RGS5: variants seen among roughly 807,000 people sequenced by gnomAD.
RGS5 encodes regulator of G protein signaling 5.
A neutral mutation model predicts 18.9 loss-of-function variants in RGS5; 20 were observed. The ratio of observed to expected loss-of-function variants is 1.06; its 90% CI spans 0.74 to 1.54. The LOEUF (loss-of-function observed/expected upper bound fraction) is 1.54, where lower values mean the gene tolerates loss of function less well. RGS5 is among the 40% of genes most tolerant of loss of function. RGS5 has a pLI of 0.00. For missense variants in RGS5, 201 were observed against 211.8 expected, an observed-to-expected ratio of 0.95 and a Z score of 0.32; for synonymous variants, 57 against 76.2, an observed-to-expected ratio of 0.75 and a Z score of 1.31.
intron 2 of RGS5, among the ~76,000 whole-genome samples, chr1:163,261,655 A>G (rs1648436284): frequency 6.6e-6 from 1 of 152,126 alleles, no homozygotes; most frequent in South Asian, 2.1e-4. Flanking sequence ...TGTTTCCCAA[A>G]CATTTTGGAT....
At chr1:163,301,964 G>T (rs966310529) in intron 2 of RGS5, among the ~76,000 whole-genome samples, 1 of 149,320 alleles carries the variant, frequency 6.7e-6, no homozygotes, top group Non-Finnish European at 1.5e-5. Flanking sequence ...TGAGTATTTG[G>T]ACCAAATTTT....
chr1:163,196,382 C>T (rs1207353924), intron 1 of RGS5, among the ~76,000 whole-genome samples: 1 of 152,106 alleles, frequency 6.6e-6, no homozygotes, highest in Non-Finnish European at 1.5e-5. Context: ...AAACTCTCTC[C>T]CTAGATATCA....
intron 1 of RGS5, among the ~76,000 whole-genome samples, chr1:163,181,450 T>C (rs757919861): frequency 3.9e-5 from 6 of 152,158 alleles, no homozygotes; most frequent in Non-Finnish European, 7.3e-5. Flanking sequence ...CAGAGGCATA[T>C]TTAAGGGGCC....
chr1:163,156,723 A>G (rs912883156), intron 3 of RGS5, among the ~76,000 whole-genome samples: 1 of 152,184 alleles, frequency 6.6e-6, no homozygotes, highest in Non-Finnish European at 1.5e-5. Context: ...CTTTAAAAAA[A>G]TTAATTATGG....
chr1:163,190,563 A>C (rs1388759200), intron 1 of RGS5, among the ~76,000 whole-genome samples: 1 of 152,186 alleles, frequency 6.6e-6, no homozygotes, highest in African/African-American at 2.4e-5. Context: ...GAACTGCGTG[A>C]GGAGCTGCCA....
At chr1:163,318,141 G>A (rs1287862303) in intron 1 of RGS5, among the ~76,000 whole-genome samples, 1 of 152,100 alleles carries the variant, frequency 6.6e-6, no homozygotes, top group Admixed American at 6.6e-5. Flanking sequence ...TCCAGACAAA[G>A]TCAACAAGAA....
At chr1:163,201,939 T>A (rs1365790299) in intron 1 of RGS5, among the ~76,000 whole-genome samples, 1 of 152,188 alleles carries the variant, frequency 6.6e-6, no homozygotes, top group African/African-American at 2.4e-5. Context: ...CTTCTCTCCA[T>A]CAGAGAGGAT....
intron 1 of RGS5, among the ~76,000 whole-genome samples, chr1:163,208,471 T>C (rs1660009285): frequency 8.3e-6 from 1 of 120,404 alleles, no homozygotes; most frequent in Admixed American, 1.1e-4. Flanking sequence ...TGAGCTATGA[T>C]AGTGTACACT....
intron 3 of RGS5, among the ~76,000 whole-genome samples, chr1:163,157,165 A>G (rs1657615876): frequency 6.6e-6 from 1 of 152,164 alleles, no homozygotes; most frequent in Non-Finnish European, 1.5e-5. Context: ...TAGGGAAGGG[A>G]GATCCACATA....
At chr1:163,155,829 C>T (rs1252432421) in intron 3 of RGS5, among the ~76,000 whole-genome samples, 1 of 152,066 alleles carries the variant, frequency 6.6e-6, no homozygotes. Flanking sequence ...CTCAACCCAC[C>T]TCGCCAGGCA....
intron 1 of RGS5, among the ~76,000 whole-genome samples, chr1:163,312,533 C>A (rs1004686860): frequency 6.6e-6 from 1 of 152,142 alleles, no homozygotes; most frequent in African/African-American, 2.4e-5. Context: ...GGAAAAGGAG[C>A]AAGGCGCACA....
chr1:163,157,519 C>G (rs1657631970), intron 3 of RGS5, among the ~76,000 whole-genome samples: 1 of 152,092 alleles, frequency 6.6e-6, no homozygotes, highest in South Asian at 2.1e-4. Flanking sequence ...AGCTTGGTAC[C>G]AATTAACTTC....
At chr1:163,311,283 T>C (rs933890631) in intron 1 of RGS5, among the ~76,000 whole-genome samples, 1 of 152,206 alleles carries the variant, frequency 6.6e-6, no homozygotes, top group Non-Finnish European at 1.5e-5. Flanking sequence ...TGTGGCTGAT[T>C]TGATCTATCC....
chr1:163,153,344 TG>T (rs994028254), intron 3 of RGS5, among the ~76,000 whole-genome samples: 2 of 152,078 alleles, frequency 1.3e-5, no homozygotes, highest in African/African-American at 4.8e-5. Context: ...ATTTACACGA[TG>T]AAAGGAAAAC....
At position 163,180,684 on chromosome 1, in the gene RGS5, C is replaced by CTGTTTTTTTTT. The variant is rs1658781625; in HGVS notation, c.45-12327_45-12317dup. Among the ~76,000 whole-genome samples the CTGTTTTTTTTT allele has an allele frequency of 1.6e-4, 13 of 81,906 alleles. 1 individual carries two copies. Among genetic ancestry groups the CTGTTTTTTTTT allele is most frequent in the Non-Finnish European group, 2.7e-4 (10 of 37,410 alleles). The allele number at this position is 81,906 out of a possible 152,430, so 53.7% of individuals were successfully genotyped here. A position where few individuals can be genotyped will look rare whatever the true frequency, so the allele number is the denominator to read the frequency against. ...GCCCCTTTGTAATAAAGCCCTTACC[C>CTGTTTTTTTTT]TGTTTTTTTTTTTTTTTTTTTTTTT... On this transcript the variant is annotated intron_variant, in intron 1 of 4. Transcript: ENST00000313961.
At chr1:163,300,138 ACT>A (rs2101641440) in intron 2 of RGS5, among the ~76,000 whole-genome samples, 1 of 152,278 alleles carries the variant, frequency 6.6e-6, no homozygotes, top group African/African-American at 2.4e-5. Context: ...AGAGGGGCTC[ACT>A]CTGATATATC....
chr1:163,220,847 T>G (rs1002295411), upstream of RGS5, among the ~76,000 whole-genome samples: 4 of 152,056 alleles, frequency 2.6e-5, no homozygotes. Context: ...GATCTGATGA[T>G]GGAAGTAAAA....
intron 2 of RGS5, among the ~76,000 whole-genome samples, chr1:163,289,411 A>G (rs966614952): frequency 6.6e-6 from 1 of 152,088 alleles, no homozygotes; most frequent in African/African-American, 2.4e-5. Context: ...CTATAATACC[A>G]TACTAAGTTT....
chr1:163,297,663 T>C (rs552982007), intron 2 of RGS5, among the ~76,000 whole-genome samples: 2 of 152,242 alleles, frequency 1.3e-5, no homozygotes, highest in Admixed American at 6.5e-5. Context: ...TCTTCTCCCA[T>C]GTAACATGTA....
Sources: gnomAD v4.1 joint callset for allele counts (sites outside exome capture counted in the v4.1 genomes callset) on GRCh38, gnomAD v4.1.1 for gene constraint, MANE v1.5 for transcripts, NCBI Gene and HGNC (gene_info 2026-07-23, HGNC 2026-07-21) for gene names.